Variants in UCHL3 observed in about 807,000 individuals in gnomAD.
The protein encoded by UCHL3 is ubiquitin C-terminal hydrolase L3.
Under a neutral mutation model 35.8 loss-of-function variants are expected in UCHL3, and 22 were observed. The ratio of observed to expected loss-of-function variants is 0.61; its 90% CI spans 0.44 to 0.88. The LOEUF is 0.88. Ranked by LOEUF, UCHL3 falls within the 40% of genes least tolerant of loss-of-function variation. The probability of loss-of-function intolerance (pLI) is 0.00; values close to 1 mark genes in which losing one functional copy is unlikely to be tolerated. For synonymous variants in UCHL3, 90 were observed against 92.8 expected (o/e 0.97, Z 0.17); for missense variants, 229 against 276.9 (o/e 0.83, Z 1.23).
intron 6 of UCHL3, among the ~76,000 whole-genome samples, chr13:75,575,818 C>G (rs1366729851): frequency 1.3e-5 from 2 of 152,202 alleles, no homozygotes; most frequent in African/African-American, 4.8e-5. Flanking sequence ...GTGGCATGAT[C>G]TCGGCTCACT....
intron 8 of UCHL3, 151 bp from the exon 9 acceptor site, chr13:75,605,578 A>T (rs545535869): frequency 1.1e-5 from 8 of 716,172 alleles, no homozygotes. Context: ...TAGGGCACCC[A>T]TGTTCACTTT....
intron 6 of UCHL3, among the ~76,000 whole-genome samples, chr13:75,582,375 G>A (rs2032211584): frequency 6.6e-6 from 1 of 152,126 alleles, no homozygotes; most frequent in African/African-American, 2.4e-5. Context: ...ATAATGAAGA[G>A]ATGAGTTTAT....
At chr13:75,555,667 C>G (rs2031272488) in intron 2 of UCHL3, among the ~76,000 whole-genome samples, 1 of 151,974 alleles carries the variant, frequency 6.6e-6, no homozygotes, top group Non-Finnish European at 1.5e-5. Context: ...GAAACAAAAT[C>G]TGCTTTCCCG....
chr13:75,550,700 G>A (rs1368772231), intron 2 of UCHL3, among the ~76,000 whole-genome samples: 2 of 146,966 alleles, frequency 1.4e-5, no homozygotes, highest in Admixed American at 7.0e-5. Flanking sequence ...GATCTGCTCA[G>A]GTGTGCCTTA....
At chr13:75,561,815 ATACGTATATACGTACG>A in intron 3 of UCHL3, among the ~76,000 whole-genome samples, 1 of 32,720 alleles carries the variant, frequency 3.1e-5, no homozygotes, top group Non-Finnish European at 1.3e-4. Context: ...ATACATACGT[ATACGTATATACGTACG>A]TATATACGTA....
At chr13:75,588,151 C>T (rs2032378487) in intron 6 of UCHL3, among the ~76,000 whole-genome samples, 1 of 152,036 alleles carries the variant, frequency 6.6e-6, no homozygotes, top group Non-Finnish European at 1.5e-5. Flanking sequence ...CTCTTCTAAA[C>T]ATGTCTTCCT....
intron 5 of UCHL3, among the ~76,000 whole-genome samples, chr13:75,568,145 AT>A (rs1292385854): frequency 1.3e-5 from 2 of 152,154 alleles, no homozygotes; most frequent in Non-Finnish European, 2.9e-5. Context: ...GGTTTTTAAA[AT>A]TTATTGCTTT....
At chr13:75,593,859 A>G (rs1017140200) in intron 6 of UCHL3, among the ~76,000 whole-genome samples, 22 of 152,212 alleles carry the variant, frequency 1.4e-4, no homozygotes, top group African/African-American at 5.3e-4. Context: ...TCATATTACA[A>G]CTACTTGAAA....
At chr13:75,571,924 T>C (rs760215376) in intron 6 of UCHL3, among the ~76,000 whole-genome samples, 1 of 152,166 alleles carries the variant, frequency 6.6e-6, no homozygotes, top group Non-Finnish European at 1.5e-5. Flanking sequence ...CTCAAGCCTG[T>C]GCAGTCAGTT....
intron 3 of UCHL3, among the ~76,000 whole-genome samples, chr13:75,562,192 A>C (rs2031540828): frequency 6.6e-6 from 1 of 152,132 alleles, no homozygotes; most frequent in African/African-American, 2.4e-5. Flanking sequence ...TGCTATAACA[A>C]ATTAGCCTCA....
chr13:75,595,046 A>G, intron 7 of UCHL3, 56 bp downstream of exon 7: 1 of 1,315,974 alleles, frequency 7.6e-7, no homozygotes, highest in Non-Finnish European at 1.0e-6. Context: ...GAAAGTCTCT[A>G]CTTATGATAA....
rs189442976 is a variant in UCHL3 at position 75,580,540 on chromosome 13, C to T, written c.474+11033C>T. The stretch of plus-strand genomic sequence containing the variant: ...TCCATGTGCCATATTTTAGACTCAG[C>T]GGTCTTGTCCTCTCCCTCTCCCTCT... On this transcript the variant is annotated intron_variant, in intron 6 of 8. Coordinates refer to ENST00000377595, the MANE Select transcript of UCHL3 (RefSeq NM_006002.5). Among the ~76,000 whole-genome samples, 5 of 152,272 alleles carry T rather than the reference C, an allele frequency of 3.3e-5. No homozygotes were observed. In the East Asian group the frequency reaches 9.6e-4, roughly 29 times the overall value.
At chr13:75,564,351 C>T (rs1241178970) in intron 3 of UCHL3, among the ~76,000 whole-genome samples, 1 of 151,986 alleles carries the variant, frequency 6.6e-6, no homozygotes, top group Non-Finnish European at 1.5e-5. Context: ...GGGGTTTCAC[C>T]ATGTTAGCTG....
intron 6 of UCHL3, among the ~76,000 whole-genome samples, chr13:75,572,799 C>T (rs1052856445): frequency 3.3e-5 from 5 of 152,128 alleles, no homozygotes; most frequent in South Asian, 4.2e-4. Flanking sequence ...CTTTTTTGTG[C>T]GGGACTGTTT....
At chr13:75,563,331 A>G (rs1475329404) in intron 3 of UCHL3, among the ~76,000 whole-genome samples, 1 of 152,054 alleles carries the variant, frequency 6.6e-6, no homozygotes, top group Non-Finnish European at 1.5e-5. Flanking sequence ...GTGTGCCACT[A>G]TACCTGGCTA....
intron 7 of UCHL3, among the ~76,000 whole-genome samples, chr13:75,597,065 A>G (rs2032662657): frequency 6.6e-6 from 1 of 152,226 alleles, no homozygotes; most frequent in Admixed American, 6.5e-5. Context: ...CAGAGCAATA[A>G]TAGGTACATT....
At chr13:75,562,836 A>G (rs1455996485) in intron 3 of UCHL3, among the ~76,000 whole-genome samples, 14 of 152,220 alleles carry the variant, frequency 9.2e-5, no homozygotes, top group Admixed American at 9.2e-4. Flanking sequence ...GTAGAAAATG[A>G]TGTAAGTAAA....
At chr13:75,549,633 A>T, upstream of UCHL3, 1 of 509,904 alleles carries the variant, frequency 2.0e-6, no homozygotes, top group Non-Finnish European at 3.3e-6. Flanking sequence ...TTAAAATATG[A>T]CACTTGACCT....
chr13:75,592,455 T>TATATAC (rs2032531899), intron 6 of UCHL3, among the ~76,000 whole-genome samples: 1 of 109,566 alleles, frequency 9.1e-6, no homozygotes, highest in African/African-American at 3.2e-5. Context: ...TATATATATA[T>TATATAC]ATATATATAT....
Sources: gnomAD v4.1 joint callset for allele counts (sites outside exome capture counted in the v4.1 genomes callset) on GRCh38, gnomAD v4.1.1 for gene constraint, MANE v1.5 for transcripts, NCBI Gene and HGNC (gene_info 2026-07-23, HGNC 2026-07-21) for gene names.